Variants in GRIK2 observed in about 807,000 individuals in gnomAD.
The protein encoded by GRIK2 is glutamate receptor ionotropic, kainate 2.
A neutral mutation model predicts 100.3 loss-of-function variants in GRIK2; 32 were observed. The ratio of observed to expected loss-of-function variants is 0.32; its 90% CI spans 0.24 to 0.43. The LOEUF (loss-of-function observed/expected upper bound fraction) is 0.43, where lower values mean the gene tolerates loss of function less well. Ranked by LOEUF, GRIK2 falls within the 20% of genes least tolerant of loss-of-function variation. GRIK2 has a pLI of 1.00. For missense variants in GRIK2, 843 were observed against 1,114.9 expected (o/e 0.76, Z 3.47); for synonymous variants, 417 against 389.4 (o/e 1.07, Z -0.83).
At chr6:101,673,706 A>G (rs1770606870) in intron 4 of GRIK2, among the ~76,000 whole-genome samples, 1 of 152,162 alleles carries the variant, frequency 6.6e-6, no homozygotes, top group Non-Finnish European at 1.5e-5. Flanking sequence ...TCTGAGTTAG[A>G]TTATCCTGTA....
At chr6:101,781,813 T>C (rs1779113825) in intron 7 of GRIK2, among the ~76,000 whole-genome samples, 1 of 151,626 alleles carries the variant, frequency 6.6e-6, no homozygotes, top group Admixed American at 6.6e-5. Flanking sequence ...CACCTATTAT[T>C]GAACCATATT....
intron 10 of GRIK2, among the ~76,000 whole-genome samples, chr6:101,832,048 A>T (rs1163117184): frequency 3.3e-5 from 5 of 152,218 alleles, no homozygotes; most frequent in African/African-American, 1.2e-4. Flanking sequence ...AATGTTAATG[A>T]TACTAGATTC....
intron 16 of GRIK2, among the ~76,000 whole-genome samples, chr6:102,067,076 G>A (rs889570066): frequency 3.3e-5 from 5 of 151,618 alleles, no homozygotes. Flanking sequence ...TTAATTCAAA[G>A]TATGTTTAGA....
At chr6:101,759,801 T>C (rs974966962) in intron 7 of GRIK2, among the ~76,000 whole-genome samples, 1 of 151,586 alleles carries the variant, frequency 6.6e-6, no homozygotes, top group African/African-American at 2.4e-5. Flanking sequence ...TTTTAAAAAA[T>C]AAAAAAAGGT....
chr6:101,811,695 T>C (rs914587553), intron 9 of GRIK2, among the ~76,000 whole-genome samples: 1 of 151,904 alleles, frequency 6.6e-6, no homozygotes. Context: ...AGAGCTAACA[T>C]GCATCTTTAG....
chr6:101,917,387 A>C (rs1398303195), intron 12 of GRIK2, among the ~76,000 whole-genome samples: 1 of 151,776 alleles, frequency 6.6e-6, no homozygotes, highest in Non-Finnish European at 1.5e-5. Flanking sequence ...GAAAAAGCAC[A>C]TGGCTCATTT....
At chr6:101,813,962 CA>C (rs60375013) in intron 9 of GRIK2, among the ~76,000 whole-genome samples, 17,242 of 122,826 alleles carry the variant, frequency 0.14, 1,781 homozygotes, top group East Asian at 0.66. Context: ...AGCTCCATCT[CA>C]AAAAAAAAAA....
Position 101,896,967 on chromosome 6 carries a change from C to A in GRIK2, c.1748+7104C>A, listed in dbSNP as rs1380931539. ...AAAAAATGGCACCTCTGTTCTTAAT[C>A]AATTCTTTATGGAACATGTCATTGT... On this transcript the variant is annotated intron_variant, in intron 12 of 16. Transcript: ENST00000369134. Among the ~76,000 whole-genome samples the A allele has an allele frequency of 2.7e-5, 4 of 148,406 alleles. No homozygotes were observed. The East Asian group carries it at 7.8e-4, about 29-fold the overall frequency.
chr6:101,771,628 A>G (rs1205980062), intron 7 of GRIK2, among the ~76,000 whole-genome samples: 1 of 151,346 alleles, frequency 6.6e-6, no homozygotes, highest in Non-Finnish European at 1.5e-5. Flanking sequence ...GGTGTGCTGC[A>G]TCCATTAACT....
chr6:101,987,669 T>G (rs1412392180), intron 14 of GRIK2, among the ~76,000 whole-genome samples: 1 of 150,364 alleles, frequency 6.7e-6, no homozygotes, highest in Admixed American at 6.7e-5. Flanking sequence ...TAGTTATATT[T>G]AATTATATTA....
chr6:101,405,007 G>A (rs189923412), intron 2 of GRIK2, among the ~76,000 whole-genome samples: 5 of 152,234 alleles, frequency 3.3e-5, no homozygotes, highest in Middle Eastern at 3.4e-3. Context: ...AAGTCACAGC[G>A]GTCATGGGGC....
chr6:101,512,103 C>A (rs1774352183), intron 2 of GRIK2, among the ~76,000 whole-genome samples: 1 of 151,114 alleles, frequency 6.6e-6, no homozygotes, highest in South Asian at 2.1e-4. Context: ...CTTAAAATAT[C>A]TTTAAGGATA....
At chr6:101,950,640 C>A (rs1791553225) in intron 14 of GRIK2, among the ~76,000 whole-genome samples, 2 of 152,144 alleles carry the variant, frequency 1.3e-5, no homozygotes, top group South Asian at 4.1e-4. Flanking sequence ...GTCTTCCCTG[C>A]CCACTACTTG....
At chr6:101,999,868 T>C (rs1794843201) in intron 14 of GRIK2, among the ~76,000 whole-genome samples, 1 of 152,086 alleles carries the variant, frequency 6.6e-6, no homozygotes, top group Non-Finnish European at 1.5e-5. Flanking sequence ...ATATTCTTTT[T>C]TAGTGTTTTA....
At chr6:101,689,072 G>T (rs938321262) in intron 7 of GRIK2, among the ~76,000 whole-genome samples, 1 of 151,786 alleles carries the variant, frequency 6.6e-6, no homozygotes, top group African/African-American at 2.4e-5. Context: ...ATTTAAAATT[G>T]TAAGCATTTT....
intron 14 of GRIK2, among the ~76,000 whole-genome samples, chr6:101,982,745 C>G (rs773879855): frequency 6.6e-6 from 1 of 150,806 alleles, no homozygotes; most frequent in South Asian, 2.1e-4. Flanking sequence ...TAAGTGTAGA[C>G]TACAGCAAAA....
intron 2 of GRIK2, among the ~76,000 whole-genome samples, chr6:101,430,100 C>T (rs1323661569): frequency 6.6e-6 from 1 of 152,184 alleles, no homozygotes; most frequent in Non-Finnish European, 1.5e-5. Flanking sequence ...CTGCTGGGCA[C>T]ACAGACTCAC....
At chr6:101,639,317 A>G (rs1381968735) in intron 4 of GRIK2, among the ~76,000 whole-genome samples, 1 of 152,178 alleles carries the variant, frequency 6.6e-6, no homozygotes, top group Admixed American at 6.5e-5. Context: ...TACAGGCGTG[A>G]GCCACCAAGC....
At chr6:101,802,857 T>C (rs997092486) in intron 9 of GRIK2, among the ~76,000 whole-genome samples, 3 of 151,824 alleles carry the variant, frequency 2.0e-5, no homozygotes, top group Non-Finnish European at 4.4e-5. Context: ...TTTTGAGTCA[T>C]ATTTAAGTGA....
Sources: allele counts gnomAD v4.1 joint callset (sites outside exome capture counted in the v4.1 genomes callset), GRCh38; gene constraint gnomAD v4.1.1; transcripts MANE v1.5; gene names NCBI Gene and HGNC (gene_info 2026-07-23, HGNC 2026-07-21).